The following CDH12 variants were observed in gnomAD, a reference collection of about 807,000 sequenced individuals.
The protein encoded by CDH12 is cadherin 12.
In CDH12, 41 loss-of-function variants were observed where a neutral mutation model predicts 74.1. The ratio of observed to expected loss-of-function variants is 0.55; its 90% CI spans 0.43 to 0.72. The LOEUF (loss-of-function observed/expected upper bound fraction) is 0.72, where lower values mean the gene tolerates loss of function less well. CDH12 is among the 30% of genes least tolerant of loss of function. CDH12 has a pLI of 0.00. For missense variants in CDH12, 945 were observed against 977.2 expected, an observed-to-expected ratio of 0.97 and a Z score of 0.44; for synonymous variants, 399 against 355.0, an observed-to-expected ratio of 1.12 and a Z score of -1.39.
chr5:21,944,332 A>C (rs1213934993), intron 6 of CDH12, among the ~76,000 whole-genome samples: 1 of 152,186 alleles, frequency 6.6e-6, no homozygotes, highest in East Asian at 1.9e-4. Flanking sequence ...GAAAAACCAT[A>C]GTCAATCCCA....
chr5:22,153,946 A>G (rs1257424574), intron 4 of CDH12, among the ~76,000 whole-genome samples: 1 of 146,456 alleles, frequency 6.8e-6, no homozygotes, highest in African/African-American at 2.5e-5. Context: ...ATATGTATAT[A>G]TGTGTATATG....
chr5:22,399,520 T>A (rs946304618), intron 3 of CDH12, among the ~76,000 whole-genome samples: 3 of 152,154 alleles, frequency 2.0e-5, no homozygotes, highest in African/African-American at 7.2e-5. Context: ...TTCCATTGCC[T>A]ACTTCACATG....
At position 22,196,272 on chromosome 5, in the gene CDH12, G is replaced by A. The variant is rs190835862; in HGVS notation, c.-187+16226C>T. Among the ~76,000 whole-genome samples, 160 of 148,718 alleles carry A rather than the reference G, an allele frequency of 1.1e-3. 1 individual carries two copies. The highest frequency in any genetic ancestry group is 3.9e-3 in the African/African-American group (150 of 38,672). On this transcript the variant is annotated intron_variant, in intron 4 of 14. Transcript: ENST00000382254. ...CGATTCTCTTGCCTCAGTCTCCTGC[G>A]TGGCTGGGAATACAGGCACGCACTA...
At chr5:22,377,941 G>A (rs1741603673) in intron 3 of CDH12, among the ~76,000 whole-genome samples, 1 of 152,130 alleles carries the variant, frequency 6.6e-6, no homozygotes, top group East Asian at 1.9e-4. Context: ...TTTTGTGAAA[G>A]TTAATTTATA....
At chr5:21,960,737 G>C (rs531703240) in intron 6 of CDH12, among the ~76,000 whole-genome samples, 9 of 151,202 alleles carry the variant, frequency 6.0e-5, no homozygotes, top group Non-Finnish European at 8.8e-5. Context: ...ACACACACGT[G>C]TGTGTGTGTA....
intron 3 of CDH12, among the ~76,000 whole-genome samples, chr5:22,214,303 C>T (rs980456397): frequency 6.6e-6 from 1 of 151,784 alleles, no homozygotes; most frequent in Non-Finnish European, 1.5e-5. Flanking sequence ...AGGGTGACAG[C>T]CGAATGTGAA....
At chr5:21,892,173 AT>A in intron 6 of CDH12, among the ~76,000 whole-genome samples, 1 of 152,256 alleles carries the variant, frequency 6.6e-6, no homozygotes, top group East Asian at 1.9e-4. Flanking sequence ...GATGCATAAC[AT>A]TTTTTAAATG....
chr5:22,491,296 T>C (rs892503238), intron 2 of CDH12, among the ~76,000 whole-genome samples: 12 of 152,062 alleles, frequency 7.9e-5, no homozygotes, highest in Admixed American at 3.9e-4. Flanking sequence ...TGGCCTCCAG[T>C]TGTATTCATG....
chr5:22,843,935 C>A (rs919329698), intron 1 of CDH12, among the ~76,000 whole-genome samples: 7 of 151,996 alleles, frequency 4.6e-5, no homozygotes, highest in Non-Finnish European at 1.5e-5. Flanking sequence ...CCTTGTCTCA[C>A]TGTGTAGGGC....
intron 2 of CDH12, among the ~76,000 whole-genome samples, chr5:22,486,446 ATT>A (rs5866568): frequency 0.12 from 15,528 of 131,172 alleles, 1,260 homozygotes; most frequent in East Asian, 0.34. Context: ...GTAACTAGTA[ATT>A]TTTTTTTTTT....
intron 4 of CDH12, among the ~76,000 whole-genome samples, chr5:22,164,483 C>T (rs1364357372): frequency 2.6e-5 from 4 of 152,254 alleles, no homozygotes; most frequent in East Asian, 1.9e-4. Flanking sequence ...GGGTCTGTGA[C>T]GGCGGCAAAA....
intron 4 of CDH12, among the ~76,000 whole-genome samples, chr5:22,192,375 TAATAA>T (rs575397972): frequency 1.2e-3 from 177 of 152,218 alleles, no homozygotes; most frequent in Middle Eastern, 6.8e-3. Flanking sequence ...CATGACAAAC[TAATAA>T]AATAATGAGT....
intron 1 of CDH12, among the ~76,000 whole-genome samples, chr5:22,658,324 T>C (rs982293597): frequency 1.3e-5 from 2 of 152,106 alleles, no homozygotes; most frequent in Non-Finnish European, 2.9e-5. Context: ...ATTAGGTGTT[T>C]TGAACGACTG....
At chr5:21,932,939 C>T (rs764471273) in intron 6 of CDH12, among the ~76,000 whole-genome samples, 5 of 149,634 alleles carry the variant, frequency 3.3e-5, no homozygotes, top group African/African-American at 7.4e-5. Flanking sequence ...AAAATATCCA[C>T]GTACAAAACT....
intron 6 of CDH12, among the ~76,000 whole-genome samples, chr5:21,917,679 C>T (rs956730162): frequency 6.6e-6 from 1 of 152,152 alleles, no homozygotes; most frequent in African/African-American, 2.4e-5. Flanking sequence ...TGCTGAACGT[C>T]CTTTCAATGA....
intron 4 of CDH12, among the ~76,000 whole-genome samples, chr5:22,180,534 A>T (rs1392263184): frequency 6.7e-6 from 1 of 150,086 alleles, no homozygotes; most frequent in African/African-American, 2.5e-5. Context: ...ATTTTTTGAG[A>T]CGGAGTTTCA....
intron 1 of CDH12, among the ~76,000 whole-genome samples, chr5:22,688,091 G>C (rs1245051308): frequency 6.6e-6 from 1 of 152,060 alleles, no homozygotes; most frequent in Non-Finnish European, 1.5e-5. Context: ...CTGTGTGACT[G>C]ACAGGACTCT....
intron 11 of CDH12, among the ~76,000 whole-genome samples, chr5:21,778,936 G>T (rs546053134): frequency 6.6e-6 from 1 of 152,140 alleles, no homozygotes; most frequent in Admixed American, 6.5e-5. Flanking sequence ...TAGCTATATA[G>T]AAGATAACCT....
At chr5:22,080,080 T>C (rs555764647) in intron 4 of CDH12, among the ~76,000 whole-genome samples, 1 of 152,180 alleles carries the variant, frequency 6.6e-6, no homozygotes, top group Non-Finnish European at 1.5e-5. Context: ...AGGGTCACAG[T>C]GCTTCGAGCC....
Sources: allele counts gnomAD v4.1 joint callset (sites outside exome capture counted in the v4.1 genomes callset), GRCh38; gene constraint gnomAD v4.1.1; transcripts MANE v1.5; gene names NCBI Gene and HGNC (gene_info 2026-07-23, HGNC 2026-07-21).